The following PLD5 variants were observed in gnomAD, a reference collection of about 807,000 sequenced individuals.
PLD5 encodes inactive phospholipase D5.
In PLD5, 36 loss-of-function variants were observed where a neutral mutation model predicts 61.1. The ratio of observed to expected loss-of-function variants is 0.59; its 90% confidence interval spans 0.45 to 0.78. The LOEUF (loss-of-function observed/expected upper bound fraction) is 0.78. Ranked by LOEUF, PLD5 falls within the 30% of genes least tolerant of loss-of-function variation. PLD5 has a pLI of 0.00. For missense variants in PLD5, 515 were observed against 644.4 expected (o/e 0.80, Z 2.17); for synonymous variants, 243 against 242.8 (o/e 1.00, Z -0.01).
intron 5 of PLD5, among the ~76,000 whole-genome samples, chr1:242,173,484 T>A (rs1666900034): frequency 6.6e-6 from 1 of 152,108 alleles, no homozygotes; most frequent in African/African-American, 2.4e-5. Context: ...CCCAAGGTAA[T>A]TTATAGATTC....
chr1:242,154,176 AT>A (rs1056111459), intron 5 of PLD5, among the ~76,000 whole-genome samples: 9 of 152,048 alleles, frequency 5.9e-5, no homozygotes, highest in African/African-American at 2.2e-4. Context: ...AATTCTTGTG[AT>A]TTTTGCACAT....
At position 242,348,167 on chromosome 1, in the gene PLD5, C is replaced by T. The variant is rs762592776; in HGVS notation, c.265G>A (p.Val89Met). 17 of 1,613,598 alleles carry T rather than the reference C, an allele frequency of 1.1e-5. No individual in the cohort carries two copies. The highest frequency in any genetic ancestry group is 8.8e-5 in the South Asian group (8 of 91,066). The change falls in exon 2 of 10, where the codon GTG (valine) becomes ATG (methionine). Residue 89 changes from valine (V) to methionine (M), a missense_variant. Physicochemically the swap from Val to Met is conservative, Grantham distance 21 (BLOSUM62 1). Around this residue, in one of 2 missense-constraint regions of PLD5, gnomAD observed 450 missense variants for 598.1 expected, o/e 0.75. Coordinates refer to ENST00000536534, the MANE Select transcript of PLD5 (RefSeq NM_001372062.1). Reference protein sequence around the residue: ...AILVALIFSAVDIMGEDEDGL... With the variant: ...AILVALIFSAMDIMGEDEDGL... ...TCCTCATCCTCTCCCATGATGTCCA[C>T]GGCTGAAAAGATCAGTGCAACCAGA...
Position 242,186,560 on chromosome 1 carries a change from G to GAAAT in PLD5, c.735+33424_735+33427dup, listed in dbSNP as rs371021790. ...CACTGGCCTTCCCAAAAAATGTTGA[G>GAAAT]AAATGAGAAACTATGCAGTTAAAAC... On this transcript the variant is annotated intron_variant, in intron 5 of 9. Transcript: ENST00000536534. Among the ~76,000 whole-genome samples the GAAAT allele has an allele frequency of 5.7e-3, 863 of 152,098 alleles. 8 individuals are homozygous for GAAAT. The highest frequency in any genetic ancestry group is 0.02 in the African/African-American group (827 of 41,498).
chr1:242,279,679 G>A (rs573568046), intron 3 of PLD5, among the ~76,000 whole-genome samples: 4 of 152,086 alleles, frequency 2.6e-5, no homozygotes, highest in African/African-American at 7.2e-5. Flanking sequence ...GACTACAGGC[G>A]CCTGCCACCA....
rs544754824 is a variant in PLD5 at position 242,522,574 on chromosome 1, A to G, written c.189+1514T>C. On this transcript the variant is annotated intron_variant, in intron 1 of 9. Transcript: ENST00000536534. ...AAGAACATACATTCAGAGTGAAACT[A>G]AAACGAAGATACGTTCTATCACCCT... 7.7e-4 allele frequency among the ~76,000 whole-genome samples: 118 copies of G among 152,374 alleles called. 1 individual carries two copies. Among genetic ancestry groups the G allele is most frequent in the African/African-American group, 2.8e-3 (115 of 41,600 alleles).
At chr1:242,322,134 A>G (rs767401025) in intron 2 of PLD5, among the ~76,000 whole-genome samples, 4 of 152,260 alleles carry the variant, frequency 2.6e-5, no homozygotes, top group Non-Finnish European at 4.4e-5. Flanking sequence ...TTGGCGTGAA[A>G]GCTGGCTGAA....
chr1:242,174,494 T>C (rs540270246), intron 5 of PLD5, among the ~76,000 whole-genome samples: 1 of 152,180 alleles, frequency 6.6e-6, no homozygotes, highest in South Asian at 2.1e-4. Flanking sequence ...AGTGTGGCGA[T>C]TCCTCAGGGA....
intron 2 of PLD5, among the ~76,000 whole-genome samples, chr1:242,346,131 G>A (rs1220729945): frequency 1.4e-5 from 2 of 144,608 alleles, no homozygotes; most frequent in African/African-American, 5.2e-5. Flanking sequence ...ATGCCTAGTA[G>A]CTAGAATAAT....
At chr1:242,220,936 T>C (rs7549889) in intron 4 of PLD5, among the ~76,000 whole-genome samples, 45,928 of 151,568 alleles carry the variant, frequency 0.3, 7,230 homozygotes, top group East Asian at 0.53. Flanking sequence ...GGGTTTTTAC[T>C]ATGTTGGCCA....
chr1:242,425,450 A>G (rs1408661266), intron 1 of PLD5, among the ~76,000 whole-genome samples: 1 of 152,178 alleles, frequency 6.6e-6, no homozygotes, highest in African/African-American at 2.4e-5. Flanking sequence ...GGCGCATACA[A>G]TAAATGGAGC....
chr1:242,514,384 C>T lies in PLD5; in HGVS notation c.189+9704G>A, dbSNP rs113882303. Among the ~76,000 whole-genome samples the T allele has an allele frequency of 7.2e-3, 1,097 of 152,262 alleles. 17 individuals carry two copies. Among genetic ancestry groups the T allele is most frequent in the African/African-American group, 0.026 (1,060 of 41,550 alleles). ...CCAAGAGTGAGGCCTTCCTTGATATCCTTCTCTGGACAAGGCATGATTTAA... is the reference window on the plus strand; with the variant it reads ...CCAAGAGTGAGGCCTTCCTTGATATTCTTCTCTGGACAAGGCATGATTTAA... On this transcript the variant is annotated intron_variant, in intron 1 of 9. Coordinates refer to ENST00000536534, the MANE Select transcript of PLD5 (RefSeq NM_001372062.1).
chr1:242,091,717 T>G (rs1334363345), intron 9 of PLD5, among the ~76,000 whole-genome samples: 2 of 152,146 alleles, frequency 1.3e-5, no homozygotes, highest in Non-Finnish European at 2.9e-5. Context: ...AGCTTTTACA[T>G]AGATAAGACT....
At chr1:242,184,357 C>T (rs577913481) in intron 5 of PLD5, among the ~76,000 whole-genome samples, 170 of 152,186 alleles carry the variant, frequency 1.1e-3, no homozygotes, top group Admixed American at 2.6e-3. Flanking sequence ...GTTTGGAAAC[C>T]ACAGCTTTCA....
At chr1:242,164,633 A>C (rs1260408331) in intron 5 of PLD5, among the ~76,000 whole-genome samples, 1 of 152,218 alleles carries the variant, frequency 6.6e-6, no homozygotes, top group Non-Finnish European at 1.5e-5. Flanking sequence ...AATCTGACAG[A>C]TGCAATGGGT....
At chr1:242,115,783 G>A (rs968822518) in intron 6 of PLD5, among the ~76,000 whole-genome samples, 7 of 152,144 alleles carry the variant, frequency 4.6e-5, no homozygotes, top group African/African-American at 1.7e-4. Flanking sequence ...CTATTAAGAT[G>A]CCGAAATTCA....
At chr1:242,354,708 G>A (rs1442302821) in intron 1 of PLD5, among the ~76,000 whole-genome samples, 1 of 151,796 alleles carries the variant, frequency 6.6e-6, no homozygotes, top group Non-Finnish European at 1.5e-5. Flanking sequence ...GTCTTATACT[G>A]GATCTAGATG....
intron 5 of PLD5, among the ~76,000 whole-genome samples, chr1:242,194,808 A>G (rs1668531610): frequency 6.6e-6 from 1 of 152,182 alleles, no homozygotes; most frequent in Non-Finnish European, 1.5e-5. Flanking sequence ...ATTCTCACTC[A>G]TAAGTGGGAG....
intron 2 of PLD5, among the ~76,000 whole-genome samples, chr1:242,347,318 A>G (rs1258776586): frequency 6.6e-6 from 1 of 152,190 alleles, no homozygotes; most frequent in South Asian, 2.1e-4. Flanking sequence ...ATTTAAATTT[A>G]TTATAAGCTC....
chr1:242,121,671 G>A (rs1031242283), intron 6 of PLD5, among the ~76,000 whole-genome samples: 9 of 152,030 alleles, frequency 5.9e-5, no homozygotes, highest in Non-Finnish European at 1.2e-4. Flanking sequence ...ATTCACAATA[G>A]CAAAGACTTG....
Sources: gnomAD v4.1 joint callset for allele counts (sites outside exome capture counted in the v4.1 genomes callset) on GRCh38, gnomAD v4.1.1 for gene constraint, gnomAD v4.1.1 regional missense constraint, MANE v1.5 for transcripts, NCBI Gene and HGNC (gene_info 2026-07-23, HGNC 2026-07-21) for gene names.